Variants in GPBP1 observed in about 807,000 individuals in gnomAD.
The protein encoded by GPBP1 is vasculin.
GPBP1 carries 13 observed loss-of-function variants against 56.5 expected under a neutral mutation model. The observed-to-expected ratio is 0.23, with a 90% CI of 0.15 to 0.37. GPBP1 has a LOEUF of 0.37. Ranked by LOEUF, GPBP1 falls within the 10% of genes least tolerant of loss-of-function variation. GPBP1 has a pLI of 1.00. For missense variants in GPBP1, 477 were observed against 572.3 expected, an observed-to-expected ratio of 0.83 and a Z score of 1.70; for synonymous variants, 204 against 188.9, an observed-to-expected ratio of 1.08 and a Z score of -0.66.
chr5:57,221,317 GT>G (rs1483641097), intron 3 of GPBP1: 1 of 1,228,120 alleles, frequency 8.1e-7, no homozygotes, highest in Admixed American at 2.5e-5. Context: ...TGATTTTCTA[GT>G]TTTTTTAAAT....
At chr5:57,208,749 T>A (rs973376129) in intron 2 of GPBP1, among the ~76,000 whole-genome samples, 1 of 149,828 alleles carries the variant, frequency 6.7e-6, no homozygotes, top group Admixed American at 6.7e-5. Flanking sequence ...CTCTGCCTCC[T>A]GGGTTCAAGC....
intron 3 of GPBP1, among the ~76,000 whole-genome samples, chr5:57,216,783 C>T (rs1435903317): frequency 2.6e-5 from 4 of 152,168 alleles, no homozygotes; most frequent in Middle Eastern, 3.4e-3. Flanking sequence ...CTGAAAACTT[C>T]GTGTTTCTGT....
intron 3 of GPBP1, among the ~76,000 whole-genome samples, chr5:57,224,319 T>C (rs1350048843): frequency 6.6e-6 from 1 of 151,716 alleles, no homozygotes; most frequent in African/African-American, 2.4e-5. Flanking sequence ...CTCAGCTCAC[T>C]GCAGCCTTTG....
At chr5:57,250,821 AG>A in intron 9 of GPBP1, 132 bp from the exon 10 acceptor site, 1 of 616,746 alleles carries the variant, frequency 1.6e-6, no homozygotes. Context: ...CTGGGATTAC[AG>A]GGGTGAGCCA....
At chr5:57,261,306 C>A in intron 11 of GPBP1, 24 bp downstream of exon 11, 1 of 1,338,786 alleles carries the variant, frequency 7.5e-7, no homozygotes, top group Non-Finnish European at 1.1e-6. Context: ...AATCATACAA[C>A]TTCACTTTTA....
chr5:57,211,138 C>T (rs1755457635), intron 2 of GPBP1, among the ~76,000 whole-genome samples: 1 of 150,770 alleles, frequency 6.6e-6, no homozygotes, highest in African/African-American at 2.4e-5. Context: ...GTGTAACTGC[C>T]ATAGCCATAA....
chr5:57,199,705 T>G (rs1469131395), intron 2 of GPBP1, among the ~76,000 whole-genome samples: 2 of 152,180 alleles, frequency 1.3e-5, no homozygotes, highest in Non-Finnish European at 2.9e-5. Context: ...GAGATTTATT[T>G]TCTGAAAGCA....
chr5:57,231,372 T>TAA (rs2111856097), intron 5 of GPBP1, 51 bp downstream of exon 5: 1 of 1,420,868 alleles, frequency 7.0e-7, no homozygotes, highest in South Asian at 1.2e-5. Context: ...AGTGCTATTT[T>TAA]AAGTGATTCT....
At chr5:57,191,226 C>T (rs1319313261) in intron 2 of GPBP1, among the ~76,000 whole-genome samples, 2 of 151,992 alleles carry the variant, frequency 1.3e-5, no homozygotes, top group African/African-American at 4.8e-5. Context: ...CTGGAATTAA[C>T]AGGCGCTTGC....
chr5:57,248,326 C>A (rs1741188008), intron 8 of GPBP1, among the ~76,000 whole-genome samples: 2 of 151,468 alleles, frequency 1.3e-5, no homozygotes, highest in South Asian at 4.2e-4. Flanking sequence ...ACAGGGAGTT[C>A]TCTGACCAGT....
chr5:57,235,261 C>T (rs562049384), intron 5 of GPBP1, among the ~76,000 whole-genome samples: 19 of 151,966 alleles, frequency 1.3e-4, no homozygotes, highest in African/African-American at 3.6e-4. Flanking sequence ...GAGCTGAGAT[C>T]GTACCACTTC....
chr5:57,190,148 A>G (rs1754455014), intron 2 of GPBP1, among the ~76,000 whole-genome samples: 1 of 144,930 alleles, frequency 6.9e-6, no homozygotes, highest in South Asian at 2.5e-4. Flanking sequence ...ACATCTATAA[A>G]TAATTTAGCC....
At chr5:57,241,714 T>C (rs1740844441) in intron 6 of GPBP1, among the ~76,000 whole-genome samples, 1 of 152,212 alleles carries the variant, frequency 6.6e-6, no homozygotes, top group African/African-American at 2.4e-5. Context: ...GTTGATGTAA[T>C]AAGCACATGA....
At chr5:57,211,569 C>T (rs554054438) in intron 2 of GPBP1, among the ~76,000 whole-genome samples, 2 of 77,332 alleles carry the variant, frequency 2.6e-5, no homozygotes, top group African/African-American at 1.1e-4. Flanking sequence ...GGTTTGCCTC[C>T]GGGGATTTTG....
intron 2 of GPBP1, among the ~76,000 whole-genome samples, chr5:57,203,770 C>T (rs1755114743): frequency 6.6e-6 from 1 of 152,184 alleles, no homozygotes; most frequent in Non-Finnish European, 1.5e-5. Context: ...TTGGGACTTT[C>T]TAATAACCTA....
At position 57,264,558 on chromosome 5, in the gene GPBP1, G is replaced by T. The variant is rs1554079372; in HGVS notation, c.*1806G>T. ...GTTTTTGGCATCTTTCTTATACTCAGTTTTTTCTGCCTTAATTCCCATTTA... is the reference window on the plus strand; with the variant it reads ...GTTTTTGGCATCTTTCTTATACTCATTTTTTTCTGCCTTAATTCCCATTTA... On this transcript the variant is annotated 3_prime_UTR_variant, in exon 12 of 12. Coordinates refer to ENST00000506184, the MANE Select transcript of GPBP1 (RefSeq NM_022913.4). 2 of 152,086 alleles carry T rather than the reference G, an allele frequency of 1.3e-5. No homozygotes were observed. 9.4% of individuals were successfully genotyped at this position (152,086 alleles called of 1,614,324 possible).
intron 2 of GPBP1, among the ~76,000 whole-genome samples, chr5:57,206,554 ATGCCATGTTGGGTTT>A (rs1415078279): frequency 6.6e-6 from 1 of 152,030 alleles, no homozygotes; most frequent in African/African-American, 2.4e-5. Context: ...ACCTACAACG[ATGCCATGTTGGGTTT>A]TGCCATGTTG....
At chr5:57,212,761 C>T (rs1755545843) in intron 2 of GPBP1, among the ~76,000 whole-genome samples, 1 of 151,224 alleles carries the variant, frequency 6.6e-6, no homozygotes, top group Admixed American at 6.6e-5. Flanking sequence ...TCTCCATCTC[C>T]TGGGTTCAAG....
At chr5:57,181,191 T>C (rs1166071080) in intron 2 of GPBP1, among the ~76,000 whole-genome samples, 1 of 152,058 alleles carries the variant, frequency 6.6e-6, no homozygotes, top group East Asian at 1.9e-4. Flanking sequence ...AAAAATTAGC[T>C]GAGCATGGTG....
Sources: gnomAD v4.1 joint callset for allele counts (sites outside exome capture counted in the v4.1 genomes callset) on GRCh38, gnomAD v4.1.1 for gene constraint, MANE v1.5 for transcripts, NCBI Gene and HGNC (gene_info 2026-07-23, HGNC 2026-07-21) for gene names.